TMEM218: variants seen among roughly 807,000 people sequenced by gnomAD.
TMEM218 encodes the protein transmembrane protein 218.
TMEM218 carries 8 observed loss-of-function variants against 10.0 expected under a neutral mutation model. The ratio of observed to expected loss-of-function variants is 0.80; its 90% confidence interval spans 0.47 to 1.44. The LOEUF (loss-of-function observed/expected upper bound fraction) is 1.44. Among genes scored for constraint, TMEM218 ranks in the 40% most tolerant of loss-of-function variants. The probability of loss-of-function intolerance (pLI) is 0.00; values close to 1 mark genes in which losing one functional copy is unlikely to be tolerated. For missense variants in TMEM218, 110 were observed against 140.1 expected, an observed-to-expected ratio of 0.79 and a Z score of 1.08; for synonymous variants, 66 against 63.5, an observed-to-expected ratio of 1.04 and a Z score of -0.18.
intron 4 of TMEM218, 44 bp downstream of exon 4, chr11:125,101,157 T>G: frequency 6.5e-7 from 1 of 1,532,734 alleles, no homozygotes; most frequent in East Asian, 2.3e-5. Context: ...CCAAGAGAAA[T>G]AAGAATCACA....
At chr11:125,104,890 G>T (rs746400199) in intron 1 of TMEM218, 7 of 152,170 alleles carry the variant, frequency 4.6e-5, no homozygotes, top group Non-Finnish European at 7.3e-5. Flanking sequence ...AAGCAATAAA[G>T]AAAAATCATT....
At chr11:125,109,925 A>G (rs1953340738) in intron 1 of TMEM218, among the ~76,000 whole-genome samples, 1 of 152,370 alleles carries the variant, frequency 6.6e-6, no homozygotes, top group African/African-American at 2.4e-5. Context: ...TTAGTAGCTT[A>G]AGAGTTCGTG....
chr11:125,098,742 A>G (rs1031791712), intron 4 of TMEM218, among the ~76,000 whole-genome samples: 3 of 152,226 alleles, frequency 2.0e-5, no homozygotes, highest in Admixed American at 6.5e-5. Flanking sequence ...AGGGGTATTA[A>G]TCTGGATTAT....
rs1425850122 is a variant in TMEM218 at position 125,094,956 on chromosome 11, C to T, written c.*2650G>A. On this transcript the variant is annotated 3_prime_UTR_variant, in exon 5 of 5. Coordinates refer to ENST00000682305, the MANE Select transcript of TMEM218 (RefSeq NM_001258244.2). The stretch of plus-strand genomic sequence containing the variant: ...GGATTCGAGAATGAATGGCTATGTA[C>T]TCCCTAGTCCCTGGACATTGGTATG... Among the ~76,000 whole-genome samples, 1 of 152,158 alleles carries T rather than the reference C, an allele frequency of 6.6e-6. No individual in the cohort carries two copies. Among genetic ancestry groups the T allele is most frequent in the Non-Finnish European group, 1.5e-5 (1 of 68,034 alleles).
intron 4 of TMEM218, 30 bp downstream of exon 4, chr11:125,101,171 C>G: frequency 6.3e-7 from 1 of 1,583,776 alleles, no homozygotes; most frequent in Non-Finnish European, 8.7e-7. Flanking sequence ...AATCACAGCT[C>G]AGGAGGCAAA....
chr11:125,102,836 A>G (rs993602973), intron 1 of TMEM218, 27 bp from the exon 2 acceptor site: 3 of 600,050 alleles, frequency 5.0e-6, no homozygotes, highest in South Asian at 1.8e-5. Flanking sequence ...AGCCATCACT[A>G]TTTTTGAACA....
chr11:125,103,701 T>C (rs1217284724), intron 1 of TMEM218: 1 of 152,228 alleles, frequency 6.6e-6, no homozygotes, highest in Admixed American at 6.5e-5. Flanking sequence ...GATGCGGACA[T>C]ATATTTTTGG....
intron 4 of TMEM218, among the ~76,000 whole-genome samples, chr11:125,099,802 T>C (rs2135713468): frequency 6.6e-6 from 1 of 152,070 alleles, no homozygotes; most frequent in South Asian, 2.1e-4. Flanking sequence ...CACATGCCTA[T>C]AATCTCAGCT....
chr11:125,101,600 C>A, intron 3 of TMEM218: 1 of 886,916 alleles, frequency 1.1e-6, no homozygotes, highest in Non-Finnish European at 1.7e-6. Context: ...ATCCCCTCTC[C>A]ACCTCCACTT....
intron 1 of TMEM218, among the ~76,000 whole-genome samples, chr11:125,105,830 C>T (rs939447456): frequency 2.6e-5 from 4 of 151,486 alleles, no homozygotes; most frequent in Admixed American, 2.6e-4. Context: ...GGTGGCAGAA[C>T]AAAGAATACG....
At chr11:125,107,385 G>C (rs1189698818) in intron 1 of TMEM218, among the ~76,000 whole-genome samples, 1 of 152,150 alleles carries the variant, frequency 6.6e-6, no homozygotes, top group Non-Finnish European at 1.5e-5. Context: ...TATCAGCCAT[G>C]TGTAGTATAT....
At position 125,094,514 on chromosome 11, in the gene TMEM218, G is replaced by A. The variant is rs931631417; in HGVS notation, c.*3092C>T. On this transcript the variant is annotated 3_prime_UTR_variant, in exon 5 of 5. Coordinates refer to ENST00000682305, the MANE Select transcript of TMEM218 (RefSeq NM_001258244.2). ...ATAAGGAGTTACTTGAAAGTCAAAAGTGATCTTTCAACTATTTGAGAAATG... is the reference window on the plus strand; with the variant it reads ...ATAAGGAGTTACTTGAAAGTCAAAAATGATCTTTCAACTATTTGAGAAATG... Among the ~76,000 whole-genome samples, 5 of 152,186 alleles carry A rather than the reference G, an allele frequency of 3.3e-5. No individual in the cohort carries two copies. The highest frequency in any genetic ancestry group is 1.2e-4 in the African/African-American group (5 of 41,446).
chr11:125,105,049 A>G (rs1951791847), intron 1 of TMEM218: 1 of 152,232 alleles, frequency 6.6e-6, no homozygotes, highest in Non-Finnish European at 1.5e-5. Flanking sequence ...AATGAGAACA[A>G]TGCAGAAAGC....
chr11:125,106,290 T>C (rs1191077924), intron 1 of TMEM218, among the ~76,000 whole-genome samples: 2 of 151,268 alleles, frequency 1.3e-5, no homozygotes, highest in Non-Finnish European at 1.5e-5. Context: ...ATATAAGCTA[T>C]GAAGCAATAT....
rs192818230 is a variant in TMEM218 at position 125,105,296 on chromosome 11, T to C, written c.-152-2487A>G. On this transcript the variant is annotated intron_variant, in intron 1 of 4. Coordinates refer to ENST00000682305, the MANE Select transcript of TMEM218 (RefSeq NM_001258244.2). ...AAACTAGACTAAAAGTGAGAACCCA[T>C]TGGATCCCAGCAGAGACAAAACTAA... 9.2e-5 allele frequency among the ~76,000 whole-genome samples: 14 copies of C among 152,252 alleles called. No homozygotes were observed. The East Asian group carries it at 1.4e-3, about 15-fold the overall frequency.
rs1343409246 is a variant in TMEM218 at position 125,102,807 on chromosome 11, G to C, written c.-150C>G. 1.1e-6 allele frequency: 1 copy of C among 894,302 alleles called. No homozygotes were observed. The highest frequency in any genetic ancestry group is 6.3e-5 in the East Asian group (1 of 16,000). 55.4% of individuals were successfully genotyped at this position (894,302 alleles called of 1,614,324 possible). ...TTATTCAAGAGGATGAAAACTCCCA[G>C]TCCTTAAAGAAGAGGAACAGCCATC... is the stretch of plus-strand genomic sequence containing the variant. On this transcript the variant is annotated splice_region_variant and 5_prime_UTR_variant, in exon 2 of 5. Coordinates refer to ENST00000682305, the MANE Select transcript of TMEM218 (RefSeq NM_001258244.2).
intron 3 of TMEM218, chr11:125,101,818 T>A (rs1007223390): frequency 8.3e-6 from 4 of 481,128 alleles, no homozygotes; most frequent in Non-Finnish European, 7.2e-6. Flanking sequence ...CCTCGGGTAC[T>A]GGACCAAGCC....
chr11:125,097,878 G>A (rs2186888), intron 4 of TMEM218, 138 bp from the exon 5 acceptor site: 185,312 of 729,466 alleles, frequency 0.25, 25,045 homozygotes, highest in South Asian at 0.33. Flanking sequence ...AGTCTCCTCT[G>A]TACATGAGAA....
At chr11:125,111,243 T>C (rs1953927267) in intron 1 of TMEM218, among the ~76,000 whole-genome samples, 1 of 152,116 alleles carries the variant, frequency 6.6e-6, no homozygotes, top group Admixed American at 6.5e-5. Context: ...GCCCCCCATG[T>C]CTCGTCTTCA....
Sources: allele counts gnomAD v4.1 joint callset (sites outside exome capture counted in the v4.1 genomes callset), GRCh38; gene constraint gnomAD v4.1.1; transcripts MANE v1.5; gene names NCBI Gene and HGNC (gene_info 2026-07-23, HGNC 2026-07-21).